Variants in MTUS2 observed in about 807,000 individuals in gnomAD.
MTUS2 encodes the protein microtubule associated scaffold protein 2.
A neutral mutation model predicts 114.1 loss-of-function variants in MTUS2; 40 were observed. That is an observed-to-expected ratio of 0.35 (90% CI 0.27 to 0.46). The LOEUF (loss-of-function observed/expected upper bound fraction) is 0.46, where lower values mean the gene tolerates loss of function less well. MTUS2 is among the 20% of genes least tolerant of loss of function. The pLI, the probability that MTUS2 is intolerant of heterozygous loss-of-function variation, is 1.00. For synonymous variants in MTUS2, 688 were observed against 672.0 expected (o/e 1.02, Z -0.37); for missense variants, 1,679 against 1,705.4 (o/e 0.98, Z 0.27).
At chr13:28,878,206 A>AAAAT (rs1555269788) in intron 2 of MTUS2, among the ~76,000 whole-genome samples, 1 of 149,708 alleles carries the variant, frequency 6.7e-6, no homozygotes, top group Non-Finnish European at 1.5e-5. Flanking sequence ...CTTAAAAAAG[A>AAAAT]ATATATATAT....
At chr13:29,437,947 C>CAAA (rs60962567) in intron 8 of MTUS2, among the ~76,000 whole-genome samples, 4 of 136,424 alleles carry the variant, frequency 2.9e-5, no homozygotes, top group African/African-American at 1.1e-4. Context: ...GATCTTATCT[C>CAAA]AAAAAAAAAA....
intron 9 of MTUS2, among the ~76,000 whole-genome samples, chr13:29,460,711 C>T (rs17073440): frequency 0.018 from 2,762 of 152,202 alleles, 71 homozygotes; most frequent in African/African-American, 0.061. Flanking sequence ...AGGACTTGAC[C>T]AGATGGGGCC....
chr13:28,904,421 A>C (rs1268650550), intron 2 of MTUS2, among the ~76,000 whole-genome samples: 2 of 152,114 alleles, frequency 1.3e-5, no homozygotes, highest in African/African-American at 4.8e-5. Flanking sequence ...ATCTTGAATT[A>C]AGTTTTGTAT....
chr13:29,176,329 C>T (rs1168238864), intron 5 of MTUS2, among the ~76,000 whole-genome samples: 1 of 152,066 alleles, frequency 6.6e-6, no homozygotes, highest in African/African-American at 2.4e-5. Flanking sequence ...TTCTGTCCTC[C>T]AGACCTCACA....
chr13:28,966,362 G>A (rs1366470940), intron 2 of MTUS2, among the ~76,000 whole-genome samples: 1 of 152,002 alleles, frequency 6.6e-6, no homozygotes, highest in East Asian at 1.9e-4. Context: ...CTTTGCTTTG[G>A]AAATACTTAG....
intron 2 of MTUS2, among the ~76,000 whole-genome samples, chr13:28,969,790 A>G (rs1883769615): frequency 7.0e-6 from 1 of 143,356 alleles, no homozygotes; most frequent in Admixed American, 7.5e-5. Flanking sequence ...GGCGTGAGCC[A>G]CTGCGCCCGG....
intron 2 of MTUS2, among the ~76,000 whole-genome samples, chr13:28,984,545 A>C (rs1207992569): frequency 6.6e-6 from 1 of 152,190 alleles, no homozygotes; most frequent in Non-Finnish European, 1.5e-5. Flanking sequence ...TCTGTCATGG[A>C]GTGAAGGTCA....
At chr13:29,031,237 G>GGTGTGTGTGTGTGTGTGTGTGTGT (rs59288953) in intron 3 of MTUS2, among the ~76,000 whole-genome samples, 8,861 of 122,544 alleles carry the variant, frequency 0.072, 576 homozygotes, top group Non-Finnish European at 0.11. Flanking sequence ...AGAACTAATA[G>GGTGTGTGTGTGTGTGTGTGTGTGT]GTGTGTGTGT....
intron 7 of MTUS2, among the ~76,000 whole-genome samples, chr13:29,335,394 G>A (rs531253515): frequency 6.6e-5 from 10 of 152,222 alleles, no homozygotes; most frequent in South Asian, 2.1e-4. Flanking sequence ...ATGTGTGCCC[G>A]AAACTTCATT....
At chr13:29,286,482 G>C (rs988600408) in intron 6 of MTUS2, among the ~76,000 whole-genome samples, 1 of 152,100 alleles carries the variant, frequency 6.6e-6, no homozygotes, top group African/African-American at 2.4e-5. Context: ...ATAATAGCAT[G>C]GTAAAATGTG....
At chr13:29,483,206 T>C (rs1566228982) in intron 10 of MTUS2, among the ~76,000 whole-genome samples, 1 of 152,224 alleles carries the variant, frequency 6.6e-6, no homozygotes, top group Non-Finnish European at 1.5e-5. Flanking sequence ...CATGACCCAG[T>C]GGCCCCCAAC....
chr13:29,077,980 G>T (rs1889272035), intron 4 of MTUS2, among the ~76,000 whole-genome samples: 1 of 151,948 alleles, frequency 6.6e-6, no homozygotes. Context: ...GAGAATATCT[G>T]GTTTTTTCAA....
intron 5 of MTUS2, among the ~76,000 whole-genome samples, chr13:29,194,568 T>A (rs1240928233): frequency 6.6e-6 from 1 of 151,876 alleles, no homozygotes; most frequent in African/African-American, 2.4e-5. Flanking sequence ...CCAGTTAGAA[T>A]GGCAATCATT....
At chr13:29,421,034 A>T (rs1876060920) in intron 8 of MTUS2, among the ~76,000 whole-genome samples, 1 of 152,184 alleles carries the variant, frequency 6.6e-6, no homozygotes, top group Admixed American at 6.5e-5. Flanking sequence ...CAGAGCAAAA[A>T]CACATATGCC....
intron 6 of MTUS2, among the ~76,000 whole-genome samples, chr13:29,287,406 G>A (rs748064880): frequency 5.3e-5 from 8 of 152,168 alleles, no homozygotes; most frequent in Non-Finnish European, 7.3e-5. Flanking sequence ...ATTCTCGCTC[G>A]TGGTGGAGCA....
chr13:29,004,678 G>A (rs1312965876), intron 2 of MTUS2, among the ~76,000 whole-genome samples: 5 of 152,210 alleles, frequency 3.3e-5, no homozygotes, highest in Non-Finnish European at 5.9e-5. Flanking sequence ...TTGCTAGAAT[G>A]TGATGGGTTT....
chr13:28,852,413 A>G (rs1876338595), intron 2 of MTUS2, among the ~76,000 whole-genome samples: 1 of 152,166 alleles, frequency 6.6e-6, no homozygotes, highest in Admixed American at 6.5e-5. Flanking sequence ...TTAGAAAAAA[A>G]AGTGAGTGAA....
chr13:28,908,690 A>G (rs1216220481), intron 2 of MTUS2, among the ~76,000 whole-genome samples: 1 of 151,460 alleles, frequency 6.6e-6, no homozygotes, highest in Non-Finnish European at 1.5e-5. Flanking sequence ...TGGTATTTCT[A>G]GTTCTAGATC....
intron 5 of MTUS2, among the ~76,000 whole-genome samples, chr13:29,167,251 T>G (rs1033454415): frequency 1.3e-5 from 2 of 151,952 alleles, no homozygotes; most frequent in Non-Finnish European, 2.9e-5. Context: ...TGCGGGCGCC[T>G]GTAGTCCCAG....
Sources: gnomAD v4.1 joint callset for allele counts (sites outside exome capture counted in the v4.1 genomes callset) on GRCh38, gnomAD v4.1.1 for gene constraint, MANE v1.5 for transcripts, NCBI Gene and HGNC (gene_info 2026-07-23, HGNC 2026-07-21) for gene names.